The following DNAJB4 variants were observed in gnomAD, a reference collection of about 807,000 sequenced individuals.
The protein encoded by DNAJB4 is dnaJ homolog subfamily B member 4.
Under a neutral mutation model 26.6 loss-of-function variants are expected in DNAJB4, and 10 were observed. That is an observed-to-expected ratio of 0.38 (90% CI 0.23 to 0.64). The LOEUF (loss-of-function observed/expected upper bound fraction) is 0.64. Among genes scored for constraint, DNAJB4 ranks in the 30% least tolerant of loss-of-function variants. The probability of loss-of-function intolerance (pLI) is 0.58; values close to 1 mark genes in which losing one functional copy is unlikely to be tolerated. For synonymous variants in DNAJB4, 136 were observed against 134.8 expected (o/e 1.01, Z -0.06); for missense variants, 328 against 408.2 (o/e 0.80, Z 1.69).
At chr1:77,985,354 G>A (rs950110508) in intron 1 of DNAJB4, among the ~76,000 whole-genome samples, 25 of 152,002 alleles carry the variant, frequency 1.6e-4, no homozygotes, top group African/African-American at 6.0e-4. Flanking sequence ...GATTCCATTT[G>A]TTCCTTTATG....
At position 78,005,118 on chromosome 1, in the gene DNAJB4, A is replaced by G; in HGVS notation, c.8A>G (p.Lys3Arg). The change falls in exon 1 of 3, where the codon AAA (lysine) becomes AGA (arginine). Residue 3 changes from lysine to arginine, a missense_variant. Lys to Arg is a conservative substitution (Grantham distance 26). Coordinates refer to ENST00000370763, the MANE Select transcript of DNAJB4 (RefSeq NM_007034.5). ...AATTTCAAGGCATTCGAAATGGGGAAAGACTATTATTGCATTTTGGGAATT... is the reference window on the plus strand; with the variant it reads ...AATTTCAAGGCATTCGAAATGGGGAGAGACTATTATTGCATTTTGGGAATT... MG[K>R]DYYCILGIEK... 6.2e-7 allele frequency: 1 copy of G among 1,613,126 alleles called. No individual in the cohort carries two copies. Among genetic ancestry groups the G allele is most frequent in the Non-Finnish European group, 8.5e-7 (1 of 1,179,762 alleles).
At chr1:77,981,394 G>C (rs1464085692) in intron 1 of DNAJB4, 1 of 151,608 alleles carries the variant, frequency 6.6e-6, no homozygotes, top group African/African-American at 2.4e-5. Context: ...TCGGCTCACT[G>C]TAACCTCTGC....
rs1660545304 is a variant in DNAJB4 at position 78,013,342 on chromosome 1, T to C, written c.503T>C (p.Leu168Pro). 1 of 1,614,058 alleles carries C rather than the reference T, an allele frequency of 6.2e-7. No individual in the cohort carries two copies. Among genetic ancestry groups the C allele is most frequent in the Admixed American group, 1.7e-5 (1 of 59,998 alleles). ...GTTATTCATGAACTTAGAGTATCAC[T>C]TGAAGAGATATATAGTGGTTGTACC... ...PPVIHELRVS[L>P]EEIYSGCTKR... The change falls in exon 2 of 3, where the codon CTT (leucine) becomes CCT (proline). Residue 168 changes from leucine (L) to proline (P), a missense_variant. Transcript: ENST00000370763.
rs1660537981 is a variant in DNAJB4, at chr1:78,013,139, AT to A, written c.305del (p.Phe102SerfsTer26). Reference sequence around the variant, plus strand: ...GCGATCCTCATGCTACATTTGCTGCATTTTTCGGAGGGTCCAACCCCTTTGA... The same window carrying A: ...GCGATCCTCATGCTACATTTGCTGCATTTTCGGAGGGTCCAACCCCTTTGA... ...HGDPHATFAA[F>X]FGGSNPFEIF... On this transcript the variant is annotated frameshift_variant, in exon 2 of 3. Transcript: ENST00000370763. LOFTEE classifies it high-confidence loss of function. 1 of 1,614,010 alleles carries A rather than the reference AT, an allele frequency of 6.2e-7. No homozygotes were observed. Among genetic ancestry groups the A allele is most frequent in the Non-Finnish European group, 8.5e-7 (1 of 1,180,034 alleles).
At chr1:78,009,976 G>C (rs2102610444) in intron 1 of DNAJB4, among the ~76,000 whole-genome samples, 1 of 152,226 alleles carries the variant, frequency 6.6e-6, no homozygotes, top group Middle Eastern at 3.4e-3. Flanking sequence ...GAGCTGCATA[G>C]TTGACTGTTT....
At chr1:77,994,919 T>A (rs1660025457) in intron 1 of DNAJB4, among the ~76,000 whole-genome samples, 1 of 152,168 alleles carries the variant, frequency 6.6e-6, no homozygotes, top group African/African-American at 2.4e-5. Context: ...AATGTGCATG[T>A]GAGAGGTATG....
chr1:77,980,194 CTT>C (rs1659509226), exon 1 of DNAJB4: 1 of 152,110 alleles, frequency 6.6e-6, no homozygotes, highest in Non-Finnish European at 1.5e-5. Context: ...GTTAAGGTCT[CTT>C]AAGTTAAGAA....
At chr1:77,993,019 C>G (rs923673177) in intron 1 of DNAJB4, among the ~76,000 whole-genome samples, 1 of 151,972 alleles carries the variant, frequency 6.6e-6, no homozygotes, top group Admixed American at 6.6e-5. Context: ...CCACCGCGCC[C>G]GGCCTATTTC....
intron 1 of DNAJB4, among the ~76,000 whole-genome samples, chr1:77,987,303 G>A (rs9787003): frequency 0.37 from 56,956 of 151,970 alleles, 10,922 homozygotes; most frequent in East Asian, 0.54. Context: ...GATCTCTGTC[G>A]CCCAAACTGA....
chr1:77,998,020 A>G (rs1027030115), intron 1 of DNAJB4, among the ~76,000 whole-genome samples: 3 of 152,100 alleles, frequency 2.0e-5, no homozygotes, highest in African/African-American at 7.2e-5. Context: ...AGTGATCTGC[A>G]GTCCTTAGCT....
At chr1:77,988,204 G>T (rs992442224) in intron 1 of DNAJB4, among the ~76,000 whole-genome samples, 2 of 151,770 alleles carry the variant, frequency 1.3e-5, no homozygotes, top group African/African-American at 4.8e-5. Context: ...TTTATCTTTT[G>T]TAGAGGCAGA....
At position 78,016,409 on chromosome 1, in the gene DNAJB4, G is replaced by T; in HGVS notation, c.*162G>T. 3.4e-6 allele frequency: 2 copies of T among 587,898 alleles called. No homozygotes were observed. Among genetic ancestry groups the T allele is most frequent in the South Asian group, 2.4e-5 (1 of 41,612 alleles). The allele number at this position is 587,898 out of a possible 1,614,324, so 36.4% of individuals were successfully genotyped here. The stretch of plus-strand genomic sequence containing the variant: ...ACGGGTCAAATAAATAGGCAAAAGG[G>T]ATTTTTACAGTTAGAGATAAAAGAG... On this transcript the variant is annotated 3_prime_UTR_variant, in exon 3 of 3. Transcript: ENST00000370763.
Position 78,005,042 on chromosome 1 carries a change from T to C in DNAJB4, c.-69T>C. 6.8e-7 allele frequency: 1 copy of C among 1,465,966 alleles called. No individual in the cohort carries two copies. The highest frequency in any genetic ancestry group is 1.2e-5 in the South Asian group (1 of 81,190). The allele number at this position is 1,465,966 out of a possible 1,614,324, so 90.8% of individuals were successfully genotyped here. A position where few individuals can be genotyped will look rare whatever the true frequency, so the allele number is the denominator to read the frequency against. On this transcript the variant is annotated 5_prime_UTR_variant, in exon 1 of 3. Transcript: ENST00000370763. ...AGCTTGGTTTATTTTTCTTAGAATC[T>C]GTTGCTAAGACTGGGGACGCTGTTT...
chr1:78,013,483 C>T lies in DNAJB4; in HGVS notation c.644C>T (p.Thr215Ile). 2 of 1,614,144 alleles carry T rather than the reference C, an allele frequency of 1.2e-6. No individual in the cohort carries two copies. The highest frequency in any genetic ancestry group is 1.7e-6 in the Non-Finnish European group (2 of 1,180,028). Residue 215 changes from threonine (T) to isoleucine (I), a missense_variant, in exon 2 of 3, where the codon ACT (threonine) becomes ATT (isoleucine). Transcript: ENST00000370763. ...GGGTGGAAAGAAGGCACCAAAATTA[C>T]TTTTCCAAGAGAAGGAGATGAAACA... ...KKGWKEGTKI[T>I]FPREGDETPN...
chr1:77,980,337 A>ATGTGTGTGTGTGTGTGTGTGTG (rs1234222654), intron 1 of DNAJB4: 1 of 136,938 alleles, frequency 7.3e-6, no homozygotes, highest in South Asian at 2.3e-4. Flanking sequence ...ATATATATAT[A>ATGTGTGTGTGTGTGTGTGTGTG]TATGTGTGTG....
rs868693024 is a variant in DNAJB4 at position 78,011,977 on chromosome 1, T to C, written c.212-1074T>C. Among the ~76,000 whole-genome samples, 229 of 148,704 alleles carry C rather than the reference T, an allele frequency of 1.5e-3. 2 individuals are homozygous for C. The highest frequency in any genetic ancestry group is 5.4e-3 in the African/African-American group (222 of 40,968). On this transcript the variant is annotated intron_variant, in intron 1 of 2. Transcript: ENST00000370763. ...TTTAAATGTTATATATATTGTTTGA[T>C]TGTAATAAAAATTAAAGATTTAAGT...
upstream of DNAJB4, chr1:77,980,067 T>C (rs1659492468): frequency 6.6e-6 from 1 of 152,068 alleles, no homozygotes; most frequent in African/African-American, 2.4e-5. Context: ...GCGTTTGTAG[T>C]AGAGACGGGG....
Position 78,016,057 on chromosome 1 carries a change from G to A in DNAJB4, c.824G>A (p.Arg275Lys). 6.2e-7 allele frequency: 1 copy of A among 1,614,044 alleles called. No homozygotes were observed. Among genetic ancestry groups the A allele is most frequent in the Non-Finnish European group, 8.5e-7 (1 of 1,180,000 alleles). ...ATTAATGTACCAACACTGGATGGAA[G>A]AAACATACCTATGTCAGTAAATGAT... ...CSINVPTLDG[R>K]NIPMSVNDIV... The change falls in exon 3 of 3, where the codon AGA becomes AAA. Residue 275 changes from arginine (R) to lysine (K), a missense_variant. Coordinates refer to ENST00000370763, the MANE Select transcript of DNAJB4 (RefSeq NM_007034.5).
At chr1:77,994,183 C>T (rs1172919563) in intron 1 of DNAJB4, among the ~76,000 whole-genome samples, 1 of 152,050 alleles carries the variant, frequency 6.6e-6, no homozygotes, top group East Asian at 1.9e-4. Flanking sequence ...GGGAAGATAG[C>T]TTGAGCCCAG....
Sources: gnomAD v4.1 joint callset for allele counts (sites outside exome capture counted in the v4.1 genomes callset) on GRCh38, gnomAD v4.1.1 for gene constraint, MANE v1.5 for transcripts, NCBI Gene and HGNC (gene_info 2026-07-23, HGNC 2026-07-21) for gene names.